The following DNAJC21 variants were observed in gnomAD, a reference collection of about 807,000 sequenced individuals.
DNAJC21 encodes the protein DnaJ heat shock protein family (Hsp40) member C21.
Under a neutral mutation model 72.4 loss-of-function variants are expected in DNAJC21, and 63 were observed. The ratio of observed to expected loss-of-function variants is 0.87; its 90% CI spans 0.71 to 1.07. The LOEUF is 1.07. Among genes scored for constraint, DNAJC21 ranks in the 50% least tolerant of loss-of-function variants. DNAJC21 has a pLI of 0.00. For missense variants in DNAJC21, 634 were observed against 644.8 expected, an observed-to-expected ratio of 0.98 and a Z score of 0.18; for synonymous variants, 203 against 216.7, an observed-to-expected ratio of 0.94 and a Z score of 0.56.
intron 1 of DNAJC21, among the ~76,000 whole-genome samples, chr5:34,930,825 A>G (rs1170004812): frequency 6.6e-6 from 1 of 152,232 alleles, no homozygotes; most frequent in African/African-American, 2.4e-5. Flanking sequence ...TAGGAAAACA[A>G]CTTTCTGCCT....
At chr5:34,949,081 T>G (rs1331039461) in intron 9 of DNAJC21, among the ~76,000 whole-genome samples, 1 of 152,156 alleles carries the variant, frequency 6.6e-6, no homozygotes, top group Non-Finnish European at 1.5e-5. Context: ...AGAGTCACAC[T>G]CTGCAGATTA....
chr5:34,932,290 G>T (rs893375502), intron 1 of DNAJC21, among the ~76,000 whole-genome samples: 36 of 152,074 alleles, frequency 2.4e-4, no homozygotes, highest in Admixed American at 2.0e-3. Context: ...GCGTGGTGGC[G>T]CACGCCTGTG....
chr5:34,954,671 C>T lies in DNAJC21; in HGVS notation c.1553C>T (p.Ala518Val). ...RAPSSSSLNS[A>V]TSSQSKKEKR... ...CCTTCATCATCGTCTTTAAACAGCG[C>T]AACAAGTAGTCAAAGCAAGAAAGAG... Residue 518 changes from alanine to valine, a missense_variant, in exon 12 of 12, where the codon GCA becomes GTA. By Grantham distance (64) the Ala-to-Val change is moderately conservative. Coordinates refer to ENST00000648817, the MANE Select transcript of DNAJC21 (RefSeq NM_001012339.3). The T allele has an allele frequency of 6.2e-7, 1 of 1,611,498 alleles. No individual in the cohort carries two copies. The highest frequency in any genetic ancestry group is 8.5e-7 in the Non-Finnish European group (1 of 1,178,992).
At chr5:34,941,042 T>C in intron 6 of DNAJC21, 54 bp from the exon 7 acceptor site, 3 of 1,347,270 alleles carry the variant, frequency 2.2e-6, no homozygotes, top group Non-Finnish European at 3.1e-6. Context: ...TTAGCATATT[T>C]TAGATTTGTG....
At chr5:34,930,532 G>A (rs1356220545) in intron 1 of DNAJC21, among the ~76,000 whole-genome samples, 2 of 152,096 alleles carry the variant, frequency 1.3e-5, no homozygotes, top group African/African-American at 4.8e-5. Flanking sequence ...TTTTAATCAG[G>A]CGGCTTCCCC....
chr5:34,930,041 C>G, intron 1 of DNAJC21, 125 bp downstream of exon 1: 2 of 666,128 alleles, frequency 3.0e-6, no homozygotes, highest in Non-Finnish European at 2.2e-6. Context: ...GAGCTCCTTG[C>G]CCCGCCCGGC....
intron 5 of DNAJC21, 48 bp downstream of exon 5, chr5:34,937,678 A>C: frequency 2.6e-6 from 4 of 1,559,698 alleles, no homozygotes; most frequent in Non-Finnish European, 3.5e-6. Context: ...TGGGGGTCAG[A>C]GGCAGCACCA....
At chr5:34,933,970 G>A in intron 2 of DNAJC21, 62 bp downstream of exon 2, 1 of 1,486,550 alleles carries the variant, frequency 6.7e-7, no homozygotes, top group South Asian at 1.2e-5. Context: ...ATCAATATAG[G>A]TGGTTGTTTT....
chr5:34,936,852 G>A (rs1207547825), intron 4 of DNAJC21, among the ~76,000 whole-genome samples: 1 of 152,112 alleles, frequency 6.6e-6, no homozygotes, highest in Non-Finnish European at 1.5e-5. Flanking sequence ...CCGGGTTCAA[G>A]CGATTCTCCT....
rs1474732647 is a variant in DNAJC21, at chr5:34,945,727, A to G, written c.1143-34A>G. 3.2e-6 allele frequency: 5 copies of G among 1,551,094 alleles called. No individual in the cohort carries two copies. In the African/African-American group the frequency reaches 4.2e-5, roughly 13 times the overall value. On this transcript the variant is annotated intron_variant, in intron 8 of 11. Coordinates refer to ENST00000648817, the MANE Select transcript of DNAJC21 (RefSeq NM_001012339.3). ...TTTCCACTTACTCTTCACAGAGTCA[A>G]GTATTTGACATTTCGATTTATATTT...
chr5:34,932,884 G>C (rs1166754402), intron 1 of DNAJC21, among the ~76,000 whole-genome samples: 1 of 152,216 alleles, frequency 6.6e-6, no homozygotes, highest in Non-Finnish European at 1.5e-5. Flanking sequence ...CCTCATCTCG[G>C]AAGTGAGGTA....
chr5:34,939,390 C>G (rs1442547221), intron 6 of DNAJC21, among the ~76,000 whole-genome samples: 2 of 152,090 alleles, frequency 1.3e-5, no homozygotes, highest in East Asian at 1.9e-4. Context: ...CTCAGCCTCC[C>G]GAGTAGCTGG....
intron 9 of DNAJC21, 143 bp from the exon 10 acceptor site, chr5:34,950,027 A>T: frequency 1.1e-6 from 1 of 929,630 alleles, no homozygotes; most frequent in Non-Finnish European, 1.5e-6. Flanking sequence ...ATTTACTATC[A>T]CTGTAATGAG....
In DNAJC21 at chr5:34,933,818, A is replaced by C. The variant is rs772525486; in HGVS notation, c.101A>C (p.Lys34Thr). 1 of 1,613,392 alleles carries C rather than the reference A, an allele frequency of 6.2e-7. No individual in the cohort carries two copies. The highest frequency in any genetic ancestry group is 2.2e-5 in the East Asian group (1 of 44,864). ...TAAATTTCTGTGACTTTAACAGATA[A>C]AAATCTGGATAATGCCGCAGAAGCA... ...RKLALKWHPDKNLDNAAEAAE... is the reference protein window; with the variant it reads ...RKLALKWHPDTNLDNAAEAAE... The change falls in exon 2 of 12, where the codon AAA becomes ACA. Residue 34 changes from lysine (K) to threonine (T), a missense_variant. Physicochemically the swap from Lys to Thr is moderately conservative, Grantham distance 78. Transcript: ENST00000648817.
At chr5:34,937,194 C>T (rs1212362279) in intron 4 of DNAJC21, 132 bp from the exon 5 acceptor site, 1 of 928,620 alleles carries the variant, frequency 1.1e-6, no homozygotes, top group African/African-American at 1.7e-5. Flanking sequence ...GTACTGTCTT[C>T]TCCAGAGATT....
rs1241976283 is a variant in DNAJC21 at position 34,935,652 on chromosome 5, A to G, written c.192-58A>G. ...TAATAATATTCAAAAGGAGCAAGAAATCCTTTTGAATTCTTACTTATTCAG... is the reference window on the plus strand; with the variant it reads ...TAATAATATTCAAAAGGAGCAAGAAGTCCTTTTGAATTCTTACTTATTCAG... On this transcript the variant is annotated intron_variant, in intron 2 of 11. Transcript: ENST00000648817. The G allele has an allele frequency of 3.7e-6, 6 of 1,601,808 alleles. No homozygotes were observed. In the African/African-American group the frequency reaches 8.0e-5, roughly 21 times the overall value.
intron 10 of DNAJC21, chr5:34,951,900 C>T (rs1765379712): frequency 3.0e-6 from 3 of 985,438 alleles, no homozygotes; most frequent in Non-Finnish European, 3.6e-6. Flanking sequence ...TGATATAGTT[C>T]AGCTCTCTAA....
At chr5:34,937,693 T>C (rs1439287376) in intron 5 of DNAJC21, 63 bp downstream of exon 5, 1 of 1,533,296 alleles carries the variant, frequency 6.5e-7, no homozygotes, top group Non-Finnish European at 8.8e-7. Flanking sequence ...GCACCAGAGG[T>C]ACCTTACATG....
intron 1 of DNAJC21, among the ~76,000 whole-genome samples, chr5:34,933,396 C>G (rs1400892212): frequency 6.6e-6 from 1 of 152,152 alleles, no homozygotes; most frequent in Admixed American, 6.5e-5. Context: ...TTCAGCCTCC[C>G]GAGTAGTTGG....
Sources: gnomAD v4.1 joint callset for allele counts (sites outside exome capture counted in the v4.1 genomes callset) on GRCh38, gnomAD v4.1.1 for gene constraint, MANE v1.5 for transcripts, NCBI Gene and HGNC (gene_info 2026-07-23, HGNC 2026-07-21) for gene names.